CATSPERE: variants seen among roughly 807,000 people sequenced by gnomAD.
CATSPERE encodes the protein cation channel sperm-associated auxiliary subunit epsilon.
In CATSPERE, 93 loss-of-function variants were observed where a neutral mutation model predicts 114.1. The ratio of observed to expected loss-of-function variants is 0.81; its 90% confidence interval spans 0.69 to 0.97. CATSPERE has a LOEUF of 0.97. Ranked by LOEUF, CATSPERE falls within the 50% of genes least tolerant of loss-of-function variation. The probability of loss-of-function intolerance (pLI) is 0.00; values close to 1 mark genes in which losing one functional copy is unlikely to be tolerated. For synonymous variants in CATSPERE, 341 were observed against 384.1 expected (o/e 0.89, Z 1.31); for missense variants, 1,058 against 1,131.6 (o/e 0.93, Z 0.93).
At chr1:244,482,604 G>GA (rs1252864925) in intron 5 of CATSPERE, among the ~76,000 whole-genome samples, 3 of 151,580 alleles carry the variant, frequency 2.0e-5, no homozygotes, top group Non-Finnish European at 4.4e-5. Context: ...CCCATCTCTA[G>GA]AAAAAATAAA....
intron 8 of CATSPERE, among the ~76,000 whole-genome samples, chr1:244,534,517 A>G (rs1680080205): frequency 6.6e-6 from 1 of 151,982 alleles, no homozygotes; most frequent in African/African-American, 2.4e-5. Flanking sequence ...CAAGCTTACT[A>G]ATTCTTTGTT....
At position 244,583,853 on chromosome 1, in the gene CATSPERE, G is replaced by T; in HGVS notation, c.2010-11G>T. 1 of 1,612,366 alleles carries T rather than the reference G, an allele frequency of 6.2e-7. No homozygotes were observed. Among genetic ancestry groups the T allele is most frequent in the Non-Finnish European group, 8.5e-7 (1 of 1,178,750 alleles). On this transcript the variant is annotated splice_polypyrimidine_tract_variant and intron_variant, in intron 12 of 21. Transcript: ENST00000366534. ...CATGATACAATAACCTGTACGAATT[G>T]TTTCTCCTAGAGACAAGCACACGGG...
intron 8 of CATSPERE, among the ~76,000 whole-genome samples, chr1:244,544,092 G>C (rs1659334234): frequency 6.8e-6 from 1 of 147,804 alleles, no homozygotes; most frequent in Middle Eastern, 3.4e-3. Flanking sequence ...AAAAAAAAAA[G>C]TGTGTAGCAG....
At chr1:244,621,180 T>TTTATATAAATATATCTATATA (rs1558610177) in intron 20 of CATSPERE, among the ~76,000 whole-genome samples, 2 of 68,722 alleles carry the variant, frequency 2.9e-5, no homozygotes, top group African/African-American at 1.4e-4. Flanking sequence ...TATAGATATA[T>TTTATATAAATATATCTATATA]TTATATAGAT....
At chr1:244,624,778 G>A (rs1021325551) in intron 20 of CATSPERE, among the ~76,000 whole-genome samples, 6 of 151,954 alleles carry the variant, frequency 3.9e-5, no homozygotes, top group East Asian at 1.9e-4. Flanking sequence ...CTCCAGCCTG[G>A]GCGACAGAGC....
At chr1:244,614,262 C>G (rs1000697861) in intron 19 of CATSPERE, among the ~76,000 whole-genome samples, 3 of 152,250 alleles carry the variant, frequency 2.0e-5, no homozygotes, top group African/African-American at 7.2e-5. Context: ...TGGCACCACC[C>G]TGCACGTGAG....
intron 2 of CATSPERE, among the ~76,000 whole-genome samples, chr1:244,472,161 A>G (rs1252223728): frequency 6.6e-6 from 1 of 152,022 alleles, no homozygotes; most frequent in Non-Finnish European, 1.5e-5. Flanking sequence ...AGGTCTTACT[A>G]TGTTGCCCTG....
At chr1:244,630,614 G>A (rs1206158560) in intron 20 of CATSPERE, among the ~76,000 whole-genome samples, 1 of 152,186 alleles carries the variant, frequency 6.6e-6, no homozygotes, top group Non-Finnish European at 1.5e-5. Context: ...GTTATTCTAG[G>A]TGTTGCAGGT....
intron 8 of CATSPERE, among the ~76,000 whole-genome samples, chr1:244,532,868 G>A (rs1268929860): frequency 6.6e-6 from 1 of 152,050 alleles, no homozygotes; most frequent in East Asian, 1.9e-4. Flanking sequence ...TATCTCTTAG[G>A]TCCATTTGGT....
At chr1:244,625,924 T>A (rs1332150663) in intron 20 of CATSPERE, among the ~76,000 whole-genome samples, 1 of 151,836 alleles carries the variant, frequency 6.6e-6, no homozygotes, top group Non-Finnish European at 1.5e-5. Context: ...TTTTTTTTTT[T>A]CTGAGAAGTA....
At chr1:244,495,372 G>T (rs982120592) in intron 6 of CATSPERE, among the ~76,000 whole-genome samples, 1 of 152,174 alleles carries the variant, frequency 6.6e-6, no homozygotes, top group Non-Finnish European at 1.5e-5. Flanking sequence ...GAAAGTTTCG[G>T]CCTGTGGGAG....
At chr1:244,457,300 G>A (rs750490959), upstream of CATSPERE, among the ~76,000 whole-genome samples, 2 of 152,002 alleles carry the variant, frequency 1.3e-5, no homozygotes, top group South Asian at 2.1e-4. Context: ...AATTGTAAAG[G>A]GTTCTATAAA....
At chr1:244,521,485 G>C (rs1677556494) in intron 8 of CATSPERE, among the ~76,000 whole-genome samples, 2 of 152,012 alleles carry the variant, frequency 1.3e-5, no homozygotes, top group Non-Finnish European at 2.9e-5. Context: ...TACATTAATA[G>C]CTTAAAGGAG....
At position 244,461,583 on chromosome 1, in the gene CATSPERE, C is replaced by T. The variant is rs1039563571; in HGVS notation, c.65+89C>T. The T allele has an allele frequency of 1.3e-5, 14 of 1,099,790 alleles. 1 individual carries two copies. The Admixed American group carries it at 1.3e-4, about 10-fold the overall frequency. 68.1% of individuals were successfully genotyped at this position (1,099,790 alleles called of 1,614,324 possible). On this transcript the variant is annotated intron_variant, in intron 1 of 21. Coordinates refer to ENST00000366534, the MANE Select transcript of CATSPERE (RefSeq NM_001130957.2). ...AGGGTCCTGCTCTCCACCCCATGCG[C>T]CTCGGGACCGCTCGCCCTGGCCGAC...
chr1:244,513,088 T>G (rs1305147683), intron 7 of CATSPERE, among the ~76,000 whole-genome samples: 2 of 152,038 alleles, frequency 1.3e-5, no homozygotes, highest in African/African-American at 2.4e-5. Flanking sequence ...GTGCTGGCAG[T>G]GGCAGCAGTG....
chr1:244,601,382 T>C (rs1669195233), intron 17 of CATSPERE, among the ~76,000 whole-genome samples: 1 of 151,998 alleles, frequency 6.6e-6, no homozygotes, highest in South Asian at 2.1e-4. Flanking sequence ...AGAAATAAAA[T>C]ATGAAAACTT....
intron 8 of CATSPERE, among the ~76,000 whole-genome samples, chr1:244,535,010 A>T (rs1024153486): frequency 8.5e-5 from 13 of 152,302 alleles, no homozygotes; most frequent in Admixed American, 5.9e-4. Context: ...AAGCCCAGTA[A>T]TGCTATGACT....
At chr1:244,486,641 C>T (rs1301772116) in intron 5 of CATSPERE, among the ~76,000 whole-genome samples, 1 of 112,258 alleles carries the variant, frequency 8.9e-6, no homozygotes, top group Non-Finnish European at 1.9e-5. Flanking sequence ...CCCTCGTAGT[C>T]ACCTGGTGGG....
intron 7 of CATSPERE, among the ~76,000 whole-genome samples, chr1:244,510,965 T>C (rs1301835162): frequency 6.8e-6 from 1 of 146,630 alleles, no homozygotes; most frequent in Non-Finnish European, 1.5e-5. Flanking sequence ...TGCTTCAGCC[T>C]CCCGAGTAGC....
Sources: gnomAD v4.1 joint callset for allele counts (sites outside exome capture counted in the v4.1 genomes callset) on GRCh38, gnomAD v4.1.1 for gene constraint, MANE v1.5 for transcripts, NCBI Gene and HGNC (gene_info 2026-07-23, HGNC 2026-07-21) for gene names.